PDE8B: variants seen among roughly 807,000 people sequenced by gnomAD.
PDE8B encodes phosphodiesterase 8B.
Under a neutral mutation model 101.3 loss-of-function variants are expected in PDE8B, and 26 were observed. The observed-to-expected ratio is 0.26, with a 90% CI of 0.19 to 0.36. The LOEUF is 0.36. Among genes scored for constraint, PDE8B ranks in the 10% least tolerant of loss-of-function variants. PDE8B has a pLI of 1.00. For missense variants in PDE8B, 810 were observed against 1,163.1 expected (o/e 0.70, Z 4.42); for synonymous variants, 424 against 429.3 (o/e 0.99, Z 0.15).
intron 10 of PDE8B, among the ~76,000 whole-genome samples, chr5:77,374,593 C>A: frequency 6.6e-6 from 1 of 152,096 alleles, no homozygotes; most frequent in Non-Finnish European, 1.5e-5. Flanking sequence ...TAATATGGTA[C>A]CAATTCATGT....
At chr5:77,295,349 T>C (rs566762378) in intron 1 of PDE8B, among the ~76,000 whole-genome samples, 3 of 152,166 alleles carry the variant, frequency 2.0e-5, no homozygotes, top group Non-Finnish European at 4.4e-5. Flanking sequence ...AACTTTAGCA[T>C]AAGGACTGGT....
intron 1 of PDE8B, among the ~76,000 whole-genome samples, chr5:77,238,485 G>A (rs2149527383): frequency 6.6e-6 from 1 of 152,170 alleles, no homozygotes; most frequent in African/African-American, 2.4e-5. Flanking sequence ...GTTAACTCTT[G>A]CTTATTGGAA....
intron 10 of PDE8B, among the ~76,000 whole-genome samples, chr5:77,371,907 C>T (rs1785134096): frequency 6.6e-6 from 1 of 152,156 alleles, no homozygotes; most frequent in Non-Finnish European, 1.5e-5. Context: ...CATAAACATA[C>T]AATTGATTTT....
chr5:77,092,322 A>T, the PDE8B span, among the ~76,000 whole-genome samples: 3 of 152,146 alleles, frequency 2.0e-5, no homozygotes, highest in African/African-American at 7.2e-5. Context: ...TTAAAATCAA[A>T]CTACAAAATA....
intron 10 of PDE8B, among the ~76,000 whole-genome samples, chr5:77,371,966 C>T (rs190712973): frequency 5.3e-5 from 8 of 152,156 alleles, no homozygotes; most frequent in African/African-American, 1.7e-4. Context: ...TTTGGGAGGC[C>T]GAGGTTGGCA....
chr5:77,399,265 G>A (rs999039288), intron 10 of PDE8B, among the ~76,000 whole-genome samples: 5 of 152,178 alleles, frequency 3.3e-5, no homozygotes, highest in Admixed American at 3.3e-4. Context: ...TAGTAATATT[G>A]GAGGCCATCC....
Position 77,421,936 on chromosome 5 carries a change from TG to T in PDE8B, c.2368del (p.Asp790ThrfsTer29). 1 of 1,614,230 alleles carries T rather than the reference TG, an allele frequency of 6.2e-7. No homozygotes were observed. Among genetic ancestry groups the T allele is most frequent in the Non-Finnish European group, 8.5e-7 (1 of 1,180,050 alleles). ...GACGTGGCCAACCCATGCCGCCCCT[TG>T]GACCTGTGCATTGAATGGGCTGGGA... is the stretch of plus-strand genomic sequence containing the variant. Reference protein sequence around the residue: ...CADVANPCRPLDLCIEWAGRI... With the variant: ...CADVANPCRPXDLCIEWAGRI... On this transcript the variant is annotated frameshift_variant, in exon 20 of 22. Transcript: ENST00000264917. LOFTEE classifies it high-confidence loss of function.
the PDE8B span, among the ~76,000 whole-genome samples, chr5:77,108,580 G>T: frequency 6.6e-6 from 1 of 152,130 alleles, no homozygotes; most frequent in Non-Finnish European, 1.5e-5. Flanking sequence ...CTATTTAGGA[G>T]GCCTAAGCAT....
chr5:77,376,205 G>A (rs1786103197), intron 10 of PDE8B, among the ~76,000 whole-genome samples: 1 of 152,146 alleles, frequency 6.6e-6, no homozygotes, highest in Non-Finnish European at 1.5e-5. Context: ...TAGGACTAGG[G>A]ATGGCTGCAG....
At chr5:77,390,422 A>G (rs1200126640) in intron 10 of PDE8B, among the ~76,000 whole-genome samples, 1 of 152,240 alleles carries the variant, frequency 6.6e-6, no homozygotes, top group Admixed American at 6.5e-5. Flanking sequence ...CAAGGAGAGC[A>G]GTATTCACAT....
intron 21 of PDE8B, chr5:77,426,150 C>A: frequency 1.7e-6 from 1 of 592,168 alleles, no homozygotes; most frequent in Admixed American, 2.8e-5. Flanking sequence ...GGACACGCTG[C>A]CAAAGCTTAC....
intron 1 of PDE8B, among the ~76,000 whole-genome samples, chr5:77,271,311 G>A (rs1176144670): frequency 6.6e-6 from 1 of 152,220 alleles, no homozygotes; most frequent in Non-Finnish European, 1.5e-5. Flanking sequence ...GCTGAAGTCT[G>A]GTTTGGAGCT....
chr5:77,232,829 C>G (rs1270685966), intron 1 of PDE8B, among the ~76,000 whole-genome samples: 1 of 152,242 alleles, frequency 6.6e-6, no homozygotes, highest in South Asian at 2.1e-4. Flanking sequence ...ATTGCCTTGT[C>G]TGACTAATTT....
At chr5:77,114,701 G>T in the PDE8B span, 1 of 151,994 alleles carries the variant, frequency 6.6e-6, no homozygotes, top group South Asian at 2.1e-4. Flanking sequence ...TATAATAGAC[G>T]AGAGGAAAGT....
chr5:77,128,185 A>C, the PDE8B span, among the ~76,000 whole-genome samples: 22 of 152,128 alleles, frequency 1.4e-4, no homozygotes, highest in African/African-American at 5.1e-4. Context: ...TCTCCCTTCC[A>C]CCTGTACCTC....
At chr5:77,104,532 T>G in the PDE8B span, 2 of 152,138 alleles carry the variant, frequency 1.3e-5, no homozygotes, top group African/African-American at 4.8e-5. Context: ...GAGGACTCAA[T>G]GATCACCCGC....
At chr5:77,425,499 A>G (rs1209743751) in intron 20 of PDE8B, among the ~76,000 whole-genome samples, 2 of 152,010 alleles carry the variant, frequency 1.3e-5, no homozygotes, top group Non-Finnish European at 2.9e-5. Flanking sequence ...GTTGCAGTGA[A>G]CCGAGACTGC....
chr5:77,087,316 C>A, the PDE8B span: 2 of 152,478 alleles, frequency 1.3e-5, no homozygotes, highest in Non-Finnish European at 2.9e-5. Flanking sequence ...AGGGGAGTCG[C>A]TCTGAAACCG....
chr5:77,413,721 G>A (rs766629684), intron 17 of PDE8B, among the ~76,000 whole-genome samples: 41 of 152,146 alleles, frequency 2.7e-4, no homozygotes, highest in Non-Finnish European at 4.7e-4. Context: ...TAGCCATTCC[G>A]CATTCTACAC....
Sources: allele counts gnomAD v4.1 joint callset (sites outside exome capture counted in the v4.1 genomes callset), GRCh38; gene constraint gnomAD v4.1.1; transcripts MANE v1.5; gene names NCBI Gene and HGNC (gene_info 2026-07-23, HGNC 2026-07-21).